Variants in AGBL1 observed in about 807,000 individuals in gnomAD.
AGBL1 encodes the protein cytosolic carboxypeptidase 4.
Under a neutral mutation model 118.9 loss-of-function variants are expected in AGBL1, and 130 were observed. The observed-to-expected ratio is 1.09, with a 90% CI of 0.95 to 1.26. The LOEUF is 1.26. Ranked by LOEUF, AGBL1 falls within the 50% of genes most tolerant of loss-of-function variation. The pLI is 0.00. For synonymous variants in AGBL1, 555 were observed against 478.9 expected (o/e 1.16, Z -2.08); for missense variants, 1,584 against 1,298.1 (o/e 1.22, Z -3.38).
chr15:86,191,549 A>T (rs1038345287), intron 5 of AGBL1, among the ~76,000 whole-genome samples: 1 of 152,012 alleles, frequency 6.6e-6, no homozygotes, highest in Non-Finnish European at 1.5e-5. Flanking sequence ...ACAATAATTT[A>T]TAAGAAGCCA....
At chr15:86,656,897 A>C (rs1330369950) in intron 21 of AGBL1, among the ~76,000 whole-genome samples, 1 of 152,158 alleles carries the variant, frequency 6.6e-6, no homozygotes, top group Non-Finnish European at 1.5e-5. Flanking sequence ...ATGCAAATAA[A>C]CTGAGAGTAG....
At chr15:86,182,607 A>C (rs2077569109) in intron 5 of AGBL1, among the ~76,000 whole-genome samples, 1 of 152,120 alleles carries the variant, frequency 6.6e-6, no homozygotes, top group South Asian at 2.1e-4. Flanking sequence ...CTTTCACAAG[A>C]AGTTACCCCT....
intron 1 of AGBL1, among the ~76,000 whole-genome samples, chr15:86,127,742 G>A (rs2076765932): frequency 6.6e-6 from 1 of 152,200 alleles, no homozygotes; most frequent in African/African-American, 2.4e-5. Flanking sequence ...TGATAAATGA[G>A]ATGGGGTTGG....
At chr15:86,505,821 C>T in intron 18 of AGBL1, among the ~76,000 whole-genome samples, 1 of 151,788 alleles carries the variant, frequency 6.6e-6, no homozygotes, top group East Asian at 1.9e-4. Context: ...TGTGTATAGC[C>T]TATGCTTTTT....
intron 21 of AGBL1, among the ~76,000 whole-genome samples, chr15:86,594,805 T>A (rs986256437): frequency 6.6e-6 from 1 of 152,198 alleles, no homozygotes; most frequent in Non-Finnish European, 1.5e-5. Flanking sequence ...TATACACACA[T>A]GACTATTTAT....
intron 23 of AGBL1, among the ~76,000 whole-genome samples, chr15:86,962,309 C>T (rs2081000653): frequency 6.6e-6 from 1 of 152,006 alleles, no homozygotes; most frequent in African/African-American, 2.4e-5. Context: ...TAAGAGACTC[C>T]TGGATCTGTG....
At chr15:86,285,580 G>A (rs932047535) in intron 16 of AGBL1, among the ~76,000 whole-genome samples, 4 of 151,964 alleles carry the variant, frequency 2.6e-5, no homozygotes, top group African/African-American at 7.3e-5. Flanking sequence ...CCGTGATTGC[G>A]AGGCCTCTCC....
intron 17 of AGBL1, among the ~76,000 whole-genome samples, chr15:86,321,238 G>A (rs1032932731): frequency 6.6e-6 from 1 of 152,212 alleles, no homozygotes; most frequent in East Asian, 1.9e-4. Flanking sequence ...GTGCTTTCTT[G>A]TGAGAACTTT....
chr15:87,024,184 T>G (rs1263337845), intron 24 of AGBL1, among the ~76,000 whole-genome samples: 2 of 151,576 alleles, frequency 1.3e-5, no homozygotes, highest in East Asian at 3.9e-4. Flanking sequence ...AAAAGATAAA[T>G]GAAACAAAAA....
chr15:86,258,562 G>T (rs1204284372), intron 9 of AGBL1, among the ~76,000 whole-genome samples: 1 of 152,202 alleles, frequency 6.6e-6, no homozygotes, highest in East Asian at 1.9e-4. Context: ...ATAGAAGAGA[G>T]GTTGGTGAAC....
At chr15:86,186,121 G>T (rs762683169) in intron 5 of AGBL1, among the ~76,000 whole-genome samples, 1 of 152,068 alleles carries the variant, frequency 6.6e-6, no homozygotes, top group Admixed American at 6.6e-5. Flanking sequence ...CCCCAAAATG[G>T]GTTTGAAAAT....
chr15:86,571,629 A>G (rs2084007330), intron 21 of AGBL1, among the ~76,000 whole-genome samples: 1 of 152,172 alleles, frequency 6.6e-6, no homozygotes, highest in South Asian at 2.1e-4. Context: ...TCTTCTCTGC[A>G]GCTGGTCATC....
chr15:86,320,229 C>A (rs62015579), intron 17 of AGBL1, among the ~76,000 whole-genome samples: 1 of 152,108 alleles, frequency 6.6e-6, no homozygotes, highest in African/African-American at 2.4e-5. Flanking sequence ...ATATCTAATG[C>A]TCCTCTCCAA....
chr15:86,491,358 C>T (rs2142142309), intron 18 of AGBL1, among the ~76,000 whole-genome samples: 1 of 152,142 alleles, frequency 6.6e-6, no homozygotes, highest in African/African-American at 2.4e-5. Context: ...GCCTATGTGG[C>T]TGGAGGTGCA....
At chr15:86,099,395 G>A (rs771830883) in intron 1 of AGBL1, among the ~76,000 whole-genome samples, 1 of 152,082 alleles carries the variant, frequency 6.6e-6, no homozygotes, top group Non-Finnish European at 1.5e-5. Flanking sequence ...CCGATTTTTT[G>A]TGTTTTGGTT....
intron 17 of AGBL1, among the ~76,000 whole-genome samples, chr15:86,369,782 G>A (rs8035598): frequency 0.07 from 10,652 of 151,850 alleles, 1,240 homozygotes; most frequent in African/African-American, 0.24. Context: ...CTAATGATAG[G>A]GATAACAAGG....
At chr15:86,192,496 G>A (rs2077739346) in intron 5 of AGBL1, among the ~76,000 whole-genome samples, 2 of 151,866 alleles carry the variant, frequency 1.3e-5, no homozygotes, top group African/African-American at 4.8e-5. Flanking sequence ...AACCTGACTT[G>A]TATCGAGGCT....
chr15:86,177,445 G>T (rs2077496400), intron 5 of AGBL1, among the ~76,000 whole-genome samples: 2 of 152,066 alleles, frequency 1.3e-5, no homozygotes, highest in Non-Finnish European at 1.5e-5. Flanking sequence ...CAATGAATGT[G>T]GCTTAACTGA....
rs554791341 is a variant in AGBL1, at chr15:86,792,132, A to G, written c.3159-114955A>G. On this transcript the variant is annotated intron_variant, in intron 22 of 22. Coordinates refer to ENST00000614907, the MANE Select transcript of AGBL1 (RefSeq NM_001386094.1). Reference sequence around the variant, plus strand: ...TTCTATATCTAACTCCAGTGCCCACACTTATTCTGAAGTAGGCCTGTCCTA... The same window carrying G: ...TTCTATATCTAACTCCAGTGCCCACGCTTATTCTGAAGTAGGCCTGTCCTA... Among the ~76,000 whole-genome samples, 349 of 152,270 alleles carry G rather than the reference A, an allele frequency of 2.3e-3. 3 individuals are homozygous for G. Among genetic ancestry groups the G allele is most frequent in the South Asian group, 0.015 (72 of 4,830 alleles).
Sources: allele counts gnomAD v4.1 joint callset (sites outside exome capture counted in the v4.1 genomes callset), GRCh38; gene constraint gnomAD v4.1.1; transcripts MANE v1.5; gene names NCBI Gene and HGNC (gene_info 2026-07-23, HGNC 2026-07-21).